The following CLDN12 variants were observed in gnomAD, a reference collection of about 807,000 sequenced individuals.
CLDN12 encodes the protein claudin-12.
CLDN12 carries 9 observed loss-of-function variants against 15.5 expected under a neutral mutation model. The observed-to-expected ratio is 0.58, with a 90% CI of 0.35 to 1.02. The LOEUF (loss-of-function observed/expected upper bound fraction) is 1.02, where lower values mean the gene tolerates loss of function less well. Among genes scored for constraint, CLDN12 ranks in the 50% least tolerant of loss-of-function variants. The probability of loss-of-function intolerance (pLI) is 0.02; values close to 1 mark genes in which losing one functional copy is unlikely to be tolerated. For synonymous variants in CLDN12, 140 were observed against 121.6 expected (o/e 1.15, Z -1.00); for missense variants, 233 against 297.3 (o/e 0.78, Z 1.59).
chr7:90,405,533 T>A lies in CLDN12; in HGVS notation c.-152T>A, dbSNP rs972278194. The A allele has an allele frequency of 6.6e-6, 1 of 152,248 alleles. No individual in the cohort carries two copies. Among genetic ancestry groups the A allele is most frequent in the Non-Finnish European group, 1.5e-5 (1 of 68,046 alleles). 9.4% of individuals were successfully genotyped at this position (152,248 alleles called of 1,614,324 possible). A position where few individuals can be genotyped will look rare whatever the true frequency, so the allele number is the denominator to read the frequency against. On this transcript the variant is annotated 5_prime_UTR_variant, in exon 2 of 4. Transcript: ENST00000496677. ...TATTTCTTTAGGCTCAGATTATTGC[T>A]ACTCTGTATTCAGATCTTCATGTGT...
Position 90,413,264 on chromosome 7 carries a change from T to C in CLDN12, c.588T>C (p.Tyr196=). 6.2e-7 allele frequency: 1 copy of C among 1,614,238 alleles called. No homozygotes were observed. The highest frequency in any genetic ancestry group is 8.5e-7 in the Non-Finnish European group (1 of 1,180,044). ...FMTSLILFIW[Y]CTCKSLPSPF... is the part of the protein sequence containing the mutation. ...CTTCCCTTATACTATTTATTTGGTA[T>C]TGTACATGCAAATCTTTGCCTTCTC... is the stretch of plus-strand genomic sequence containing the variant. Residue 196 remains tyrosine (Y), a synonymous_variant, in exon 4 of 4, where the codon TAT becomes TAC. Coordinates refer to ENST00000496677, the MANE Select transcript of CLDN12 (RefSeq NM_001185072.3).
rs1428520245 is a variant in CLDN12 at position 90,413,330 on chromosome 7, T to C, written c.654T>C (p.His218=). ...QPLYSHPPSM[H]TYSQPYSARS... is the part of the protein sequence containing the mutation. ...TGTACTCCCATCCACCCAGTATGCA[T>C]ACTTACTCACAGCCCTATTCAGCAC... is the stretch of plus-strand genomic sequence containing the variant. The change falls in exon 4 of 4, where the codon CAT becomes CAC. Residue 218 remains histidine (H), a synonymous_variant. Transcript: ENST00000496677. The C allele has an allele frequency of 6.2e-7, 1 of 1,614,196 alleles. No homozygotes were observed. Among genetic ancestry groups the C allele is most frequent in the Non-Finnish European group, 8.5e-7 (1 of 1,180,016 alleles).
chr7:90,407,000 G>T (rs1321814546), intron 2 of CLDN12, among the ~76,000 whole-genome samples: 1 of 151,962 alleles, frequency 6.6e-6, no homozygotes, highest in Non-Finnish European at 1.5e-5. Flanking sequence ...CTTAAGAGAA[G>T]TATGTCTAAT....
chr7:90,413,378 A>T lies in CLDN12; in HGVS notation c.702A>T (p.Glu234Asp). Residue 234 changes from glutamate (E) to aspartate (D), a missense_variant, in exon 4 of 4, where the codon GAA becomes GAT. By Grantham distance (45) the Glu-to-Asp change is conservative. Coordinates refer to ENST00000496677, the MANE Select transcript of CLDN12 (RefSeq NM_001185072.3). The part of the protein sequence containing the change: ...YSARSRLSAI[E>D]IDIPVVSHTT ...CACGCTCTCGCCTCTCTGCCATTGA[A>T]ATTGACATTCCAGTAGTTTCACACA... The T allele has an allele frequency of 6.2e-7, 1 of 1,613,946 alleles. No homozygotes were observed. The highest frequency in any genetic ancestry group is 1.1e-5 in the South Asian group (1 of 91,036).
At chr7:90,404,000 T>A (rs1796785221) in intron 1 of CLDN12, among the ~76,000 whole-genome samples, 1 of 135,018 alleles carries the variant, frequency 7.4e-6, no homozygotes, top group Non-Finnish European at 1.6e-5. Context: ...CACACAGGGC[T>A]CTTCGAAAAG....
In CLDN12 at chr7:90,415,884, A is replaced by C. The variant is rs1797061965; in HGVS notation, c.*2473A>C. On this transcript the variant is annotated 3_prime_UTR_variant, in exon 4 of 4. Coordinates refer to ENST00000496677, the MANE Select transcript of CLDN12 (RefSeq NM_001185072.3). ...TACAATGGATAGTATATTTGCTGTA[A>C]ACTACAATGTAAAACCTCAATAAAA... 6.0e-6 allele frequency: 1 copy of C among 166,884 alleles called. No individual in the cohort carries two copies. The highest frequency in any genetic ancestry group is 2.4e-5 in the African/African-American group (1 of 41,460). 10.3% of individuals were successfully genotyped at this position (166,884 alleles called of 1,614,324 possible). A position where few individuals can be genotyped will look rare whatever the true frequency, so the allele number is the denominator to read the frequency against.
At chr7:90,409,994 C>G (rs997223085) in intron 2 of CLDN12, among the ~76,000 whole-genome samples, 4 of 152,062 alleles carry the variant, frequency 2.6e-5, no homozygotes, top group Non-Finnish European at 4.4e-5. Flanking sequence ...TCTTCATTAC[C>G]AGTGGCCCAC....
intron 1 of CLDN12, among the ~76,000 whole-genome samples, chr7:90,403,937 T>C (rs781172905): frequency 6.6e-6 from 1 of 151,484 alleles, no homozygotes; most frequent in Non-Finnish European, 1.5e-5. Context: ...TCTCTCTCCA[T>C]TGGCTCTAAC....
intron 3 of CLDN12, 28 bp downstream of exon 3, chr7:90,412,077 G>A (rs892656778): frequency 2.0e-4 from 30 of 152,428 alleles, no homozygotes; most frequent in African/African-American, 7.0e-4. Flanking sequence ...TGAGGAGATG[G>A]GGATTAGAAT....
chr7:90,411,997 C>T lies in CLDN12; in HGVS notation c.-76-10C>T, dbSNP rs1796973395. ...GCAAGGTTGGCACTGTTATTTTTTCCATTTCACAGATGAAGAAAACGAGGC... is the reference window on the plus strand; with the variant it reads ...GCAAGGTTGGCACTGTTATTTTTTCTATTTCACAGATGAAGAAAACGAGGC... On this transcript the variant is annotated splice_polypyrimidine_tract_variant and intron_variant, in intron 2 of 3. Coordinates refer to ENST00000496677, the MANE Select transcript of CLDN12 (RefSeq NM_001185072.3). 6.6e-6 allele frequency: 1 copy of T among 152,200 alleles called. No homozygotes were observed. The highest frequency in any genetic ancestry group is 2.1e-4 in the South Asian group (1 of 4,836). 9.4% of individuals were successfully genotyped at this position (152,200 alleles called of 1,614,324 possible). A position where few individuals can be genotyped will look rare whatever the true frequency, so the allele number is the denominator to read the frequency against.
intron 2 of CLDN12, among the ~76,000 whole-genome samples, chr7:90,410,851 G>T (rs1447524057): frequency 6.6e-6 from 1 of 151,980 alleles, no homozygotes; most frequent in Non-Finnish European, 1.5e-5. Context: ...ACAAAAATTA[G>T]CTGAACATAG....
At position 90,413,413 on chromosome 7, in the gene CLDN12, G is replaced by A; in HGVS notation, c.*2G>A. 6.2e-7 allele frequency: 1 copy of A among 1,609,744 alleles called. No individual in the cohort carries two copies. The highest frequency in any genetic ancestry group is 8.5e-7 in the Non-Finnish European group (1 of 1,177,032). ...CCAGTAGTTTCACACACCACTTAAT[G>A]GGGAAATAGTTAATTGTTAAAGAAA... On this transcript the variant is annotated 3_prime_UTR_variant, in exon 4 of 4. Coordinates refer to ENST00000496677, the MANE Select transcript of CLDN12 (RefSeq NM_001185072.3).
Position 90,415,315 on chromosome 7 carries a change from A to G in CLDN12, c.*1904A>G, listed in dbSNP as rs999951759. 6.0e-6 allele frequency: 1 copy of G among 166,536 alleles called. No individual in the cohort carries two copies. Among genetic ancestry groups the G allele is most frequent in the African/African-American group, 2.4e-5 (1 of 41,412 alleles). 10.3% of individuals were successfully genotyped at this position (166,536 alleles called of 1,614,324 possible). On this transcript the variant is annotated 3_prime_UTR_variant, in exon 4 of 4. Transcript: ENST00000496677. ...GGGTAGAATTTTGAGATTAATGTTA[A>G]TTTTCCCTTTTTGTTAATTTCAGTC...
rs1796991990 is a variant in CLDN12, at chr7:90,412,729, T to G, written c.53T>G (p.Ile18Ser). The change falls in exon 4 of 4, where the codon ATC becomes AGC. Residue 18 changes from isoleucine to serine, a missense_variant. Physicochemically the swap from Ile to Ser is moderately radical, Grantham distance 142. Transcript: ENST00000496677. Reference protein sequence around the residue: ...AATVLSFLCGIASVAGLFAGT... With the variant: ...AATVLSFLCGSASVAGLFAGT... ...ACAGTCCTTTCCTTCCTGTGTGGAA[T>G]CGCCTCAGTAGCAGGCCTCTTTGCA... 1 of 1,614,204 alleles carries G rather than the reference T, an allele frequency of 6.2e-7. No homozygotes were observed. Among genetic ancestry groups the G allele is most frequent in the Non-Finnish European group, 8.5e-7 (1 of 1,180,026 alleles).
chr7:90,405,200 C>T (rs1388000470), intron 1 of CLDN12, among the ~76,000 whole-genome samples: 2 of 152,134 alleles, frequency 1.3e-5, no homozygotes, highest in Non-Finnish European at 2.9e-5. Flanking sequence ...ATGGCTGGGA[C>T]TATAGGCATG....
rs1797003096 is a variant in CLDN12 at position 90,413,181 on chromosome 7, T to C, written c.505T>C (p.Phe169Leu). Reference sequence around the variant, plus strand: ...TCTGAACAAGAAGTTTGAGCCAGTCTTTTCATTTGACTATGCAGTGTATGT... The same window carrying C: ...TCTGAACAAGAAGTTTGAGCCAGTCCTTTCATTTGACTATGCAGTGTATGT... ...IHLNKKFEPV[F>L]SFDYAVYVTI... The change falls in exon 4 of 4, where the codon TTT becomes CTT. Residue 169 changes from phenylalanine (F) to leucine (L), a missense_variant. By Grantham distance (22) the Phe-to-Leu change is conservative. Coordinates refer to ENST00000496677, the MANE Select transcript of CLDN12 (RefSeq NM_001185072.3). 1 of 1,614,088 alleles carries C rather than the reference T, an allele frequency of 6.2e-7. No individual in the cohort carries two copies. The highest frequency in any genetic ancestry group is 1.1e-5 in the South Asian group (1 of 91,088).
At position 90,412,685 on chromosome 7, in the gene CLDN12, T is replaced by G. The variant is rs757087056; in HGVS notation, c.9T>G (p.Cys3Trp). 9.9e-6 allele frequency: 16 copies of G among 1,612,064 alleles called. No individual in the cohort carries two copies. Residue 3 changes from cysteine to tryptophan, a missense_variant, in exon 4 of 4, where the codon TGT becomes TGG. Transcript: ENST00000496677. The stretch of plus-strand genomic sequence containing the variant: ...CCACAAGCTTGCCTGCCATGGGCTG[T>G]CGGGATGTCCACGCAGCCACAGTCC... The part of the protein sequence containing the change: MG[C>W]RDVHAATVLS...
intron 2 of CLDN12, among the ~76,000 whole-genome samples, chr7:90,409,388 G>C (rs1001281635): frequency 4.6e-5 from 7 of 151,798 alleles, no homozygotes; most frequent in African/African-American, 1.7e-4. Flanking sequence ...TGCCTGGCTA[G>C]TTTTTGTATT....
At chr7:90,404,777 A>G (rs945196520) in intron 1 of CLDN12, among the ~76,000 whole-genome samples, 1 of 151,966 alleles carries the variant, frequency 6.6e-6, no homozygotes, top group Non-Finnish European at 1.5e-5. Context: ...CATTTCTCCT[A>G]TATTCTCAAG....
Sources: gnomAD v4.1 joint callset for allele counts (sites outside exome capture counted in the v4.1 genomes callset) on GRCh38, gnomAD v4.1.1 for gene constraint, MANE v1.5 for transcripts, NCBI Gene and HGNC (gene_info 2026-07-23, HGNC 2026-07-21) for gene names.